ITGAX: variants seen among roughly 807,000 people sequenced by gnomAD.
ITGAX encodes the protein integrin alpha-X.
Under a neutral mutation model 140.2 loss-of-function variants are expected in ITGAX, and 99 were observed. The observed-to-expected ratio is 0.71, with a 90% CI of 0.60 to 0.83. The LOEUF is 0.83. Ranked by LOEUF, ITGAX falls within the 40% of genes least tolerant of loss-of-function variation. The pLI, the probability that ITGAX is intolerant of heterozygous loss-of-function variation, is 0.00. For synonymous variants in ITGAX, 631 were observed against 600.4 expected, an observed-to-expected ratio of 1.05 and a Z score of -0.75; for missense variants, 1,444 against 1,482.0, an observed-to-expected ratio of 0.97 and a Z score of 0.42.
At position 31,382,572 on chromosome 16, in the gene ITGAX, G is replaced by C; in HGVS notation, c.*665G>C. 2 of 785,610 alleles carry C rather than the reference G, an allele frequency of 2.5e-6. No homozygotes were observed. Among genetic ancestry groups the C allele is most frequent in the Non-Finnish European group, 4.3e-6 (2 of 460,980 alleles). The allele number at this position is 785,610 out of a possible 1,614,324, so 48.7% of individuals were successfully genotyped here. ...CAGGGCGCACAGCATGAGAGGCTCT[G>C]TGCCCCCATCACCCTCGTTTCCAGT... On this transcript the variant is annotated 3_prime_UTR_variant, in exon 30 of 30. Transcript: ENST00000268296.
intron 1 of ITGAX, 80 bp downstream of exon 1, chr16:31,355,371 G>T: frequency 6.7e-7 from 1 of 1,490,458 alleles, no homozygotes; most frequent in Non-Finnish European, 9.3e-7. Flanking sequence ...GCTCAGGCTG[G>T]GGGGTTAGGA....
At chr16:31,356,066 G>C in intron 2 of ITGAX, 68 bp downstream of exon 2, 1 of 1,112,160 alleles carries the variant, frequency 9.0e-7, no homozygotes. Flanking sequence ...CCATGCCCCC[G>C]GCCCTGCCCT....
intron 5 of ITGAX, among the ~76,000 whole-genome samples, chr16:31,358,906 C>T (rs2080791046): frequency 6.6e-6 from 1 of 151,254 alleles, no homozygotes; most frequent in African/African-American, 2.4e-5. Context: ...CAGCCTCCAA[C>T]TCCTGGGCTC....
rs773833533 is a variant in ITGAX, at chr16:31,371,400, G to C, written c.1908G>C (p.Ala636=). The change falls in exon 16 of 30, where the codon GCG becomes GCC. Residue 636 remains alanine, a synonymous_variant. Coordinates refer to ENST00000268296, the MANE Select transcript of ITGAX (RefSeq NM_000887.5). ...QFIPAEIPRS[A]FECREQVVSE... is the part of the protein sequence containing the mutation. ...TACCTGCCGAGATCCCCAGGTCTGC[G>C]TTTGAGTGTCGGGAGCAGGTGGTCT... 6.8e-6 allele frequency: 11 copies of C among 1,614,096 alleles called. No homozygotes were observed. In the African/African-American group the frequency reaches 1.1e-4, roughly 16 times the overall value.
At chr16:31,364,422 G>A (rs1397963877) in intron 14 of ITGAX, among the ~76,000 whole-genome samples, 2 of 113,926 alleles carry the variant, frequency 1.8e-5, no homozygotes, top group Non-Finnish European at 3.4e-5. Context: ...GCACAATCCC[G>A]TGTCAAAAAA....
rs936358305 is a variant in ITGAX at position 31,371,772 on chromosome 16, C to G, written c.2148C>G (p.Asn716Lys). ...LGLKAHCENFNLLLPSCVEDS... is the reference protein window; with the variant it reads ...LGLKAHCENFKLLLPSCVEDS... ...TGAAGGCACACTGTGAAAACTTCAA[C>G]CTGCTGCTCCCGGTGCGTCTGGGCA... The change falls in exon 17 of 30, where the codon AAC (asparagine) becomes AAG (lysine). Residue 716 changes from asparagine to lysine, a missense_variant. Asn to Lys is a moderately conservative substitution (Grantham distance 94). Transcript: ENST00000268296. The G allele has an allele frequency of 6.2e-7, 1 of 1,613,868 alleles. No homozygotes were observed. The highest frequency in any genetic ancestry group is 1.7e-5 in the Admixed American group (1 of 59,994).
intron 29 of ITGAX, 75 bp downstream of exon 29, chr16:31,381,082 T>C: frequency 8.4e-7 from 1 of 1,196,646 alleles, no homozygotes; most frequent in East Asian, 2.4e-5. Flanking sequence ...AGGAGCTCAC[T>C]TTGAAGGCAG....
At chr16:31,360,517 C>T (rs2142487833) in intron 8 of ITGAX, 54 bp downstream of exon 8, 2 of 1,489,244 alleles carry the variant, frequency 1.3e-6, no homozygotes, top group Non-Finnish European at 9.1e-7. Flanking sequence ...CAGGGCAACT[C>T]CCCTTTCTGT....
intron 19 of ITGAX, 91 bp downstream of exon 19, chr16:31,372,761 C>A: frequency 7.9e-7 from 1 of 1,260,322 alleles, no homozygotes; most frequent in Non-Finnish European, 1.1e-6. Context: ...AACATTGTCT[C>A]ATCCTATAGT....
chr16:31,382,108 G>A lies in ITGAX; in HGVS notation c.*201G>A. 7.0e-7 allele frequency: 1 copy of A among 1,424,402 alleles called. No homozygotes were observed. The highest frequency in any genetic ancestry group is 1.6e-5 in the South Asian group (1 of 63,492). The allele number at this position is 1,424,402 out of a possible 1,614,324, so 88.2% of individuals were successfully genotyped here. On this transcript the variant is annotated 3_prime_UTR_variant, in exon 30 of 30. Transcript: ENST00000268296. ...TTCCAACTGGAAACCCTTAGGACAG[G>A]GTCCCTGCTGTGTTCCCCAAAGGAC...
chr16:31,371,528 C>T (rs751217515), intron 16 of ITGAX, 31 bp downstream of exon 16: 11 of 1,611,810 alleles, frequency 6.8e-6, no homozygotes, highest in South Asian at 2.2e-5. Context: ...CCCAGGACAC[C>T]CTGACCTCTG....
intron 8 of ITGAX, chr16:31,360,753 C>A: frequency 2.0e-6 from 1 of 509,844 alleles, no homozygotes; most frequent in Non-Finnish European, 3.5e-6. Flanking sequence ...TGGCCTTAAG[C>A]AATTCTGCCA....
chr16:31,371,928 C>T (rs2080967774), intron 17 of ITGAX, 144 bp downstream of exon 17: 3 of 939,498 alleles, frequency 3.2e-6, no homozygotes, highest in Non-Finnish European at 3.1e-6. Context: ...TGCACGTTAG[C>T]CAGTGAGTGA....
rs201384441 is a variant in ITGAX, at chr16:31,362,670, C to T, written c.1276C>T (p.Arg426Cys). ...GVQSLVLGAP[R>C]YQHTGKAVIF... Reference sequence around the variant, plus strand: ...GCAGAGCCTGGTCCTGGGGGCCCCCCGCTACCAGCACACCGGGAAGGCTGT... The same window carrying T: ...GCAGAGCCTGGTCCTGGGGGCCCCCTGCTACCAGCACACCGGGAAGGCTGT... Residue 426 changes from arginine (R) to cysteine (C), a missense_variant, in exon 12 of 30, where the codon CGC becomes TGC. Physicochemically the swap from Arg to Cys is radical, Grantham distance 180. Coordinates refer to ENST00000268296, the MANE Select transcript of ITGAX (RefSeq NM_000887.5). 81 of 1,613,732 alleles carry T rather than the reference C, an allele frequency of 5.0e-5. No homozygotes were observed. The East Asian group carries it at 1.1e-3, about 21-fold the overall frequency.
Position 31,380,535 on chromosome 16 carries a change from A to G in ITGAX, c.3187A>G (p.Lys1063Glu). Reference sequence around the variant, plus strand: ...AACCCCTTTGCAGATATTGCAGAAGAAGGTGTCGGTCGTGAGTGTGGCTGA... The same window carrying G: ...AACCCCTTTGCAGATATTGCAGAAGGAGGTGTCGGTCGTGAGTGTGGCTGA... ...FGWVRQILQKKVSVVSVAEIT... is the reference protein window; with the variant it reads ...FGWVRQILQKEVSVVSVAEIT... The change falls in exon 28 of 30, where the codon AAG (lysine) becomes GAG (glutamate). Residue 1063 changes from lysine to glutamate, a missense_variant. Physicochemically the swap from Lys to Glu is moderately conservative, Grantham distance 56 (BLOSUM62 1). Transcript: ENST00000268296. 6.2e-7 allele frequency: 1 copy of G among 1,614,256 alleles called. No homozygotes were observed. Among genetic ancestry groups the G allele is most frequent in the Non-Finnish European group, 8.5e-7 (1 of 1,180,052 alleles).
At chr16:31,360,616 C>G in intron 8 of ITGAX, 153 bp downstream of exon 8, 1 of 684,010 alleles carries the variant, frequency 1.5e-6, no homozygotes, top group Non-Finnish European at 2.4e-6. Flanking sequence ...AACTCCTGGG[C>G]TCCAGTGATC....
chr16:31,358,582 A>T (rs2080787334), intron 5 of ITGAX: 1 of 152,070 alleles, frequency 6.6e-6, no homozygotes, highest in African/African-American at 2.4e-5. Context: ...AGCCTGGGTG[A>T]CAGAGTGAGA....
chr16:31,362,094 C>T lies in ITGAX; in HGVS notation c.1106C>T (p.Ala369Val), dbSNP rs756790585. Residue 369 changes from alanine to valine, a missense_variant, in exon 11 of 30, where the codon GCT (alanine) becomes GTT (valine). By Grantham distance (64) the Ala-to-Val change is moderately conservative. Coordinates refer to ENST00000268296, the MANE Select transcript of ITGAX (RefSeq NM_000887.5). ...TCCCAGGATGGCCCCGTTCTGGGGGCTGTGGGGAGCTTCACCTGGTCTGGA... is the reference window on the plus strand; with the variant it reads ...TCCCAGGATGGCCCCGTTCTGGGGGTTGTGGGGAGCTTCACCTGGTCTGGA... ...VFTPDGPVLG[A>V]VGSFTWSGGA... is the part of the protein sequence containing the mutation. 18 of 1,614,018 alleles carry T rather than the reference C, an allele frequency of 1.1e-5. No individual in the cohort carries two copies. The Admixed American group carries it at 3.0e-4, about 27-fold the overall frequency.
intron 1 of ITGAX, 48 bp from the exon 2 acceptor site, chr16:31,355,845 G>A (rs745497152): frequency 6.9e-7 from 1 of 1,450,180 alleles, no homozygotes; most frequent in East Asian, 2.3e-5. Flanking sequence ...GGGCAGCCAG[G>A]CAGAAGGAAG....
Sources: allele counts gnomAD v4.1 joint callset (sites outside exome capture counted in the v4.1 genomes callset), GRCh38; gene constraint gnomAD v4.1.1; transcripts MANE v1.5; gene names NCBI Gene and HGNC (gene_info 2026-07-23, HGNC 2026-07-21).